The following OPCML variants were observed in gnomAD, a reference collection of about 807,000 sequenced individuals.
OPCML encodes the protein opioid-binding protein/cell adhesion molecule.
A neutral mutation model predicts 37.8 loss-of-function variants in OPCML; 13 were observed. The observed-to-expected ratio is 0.34, with a 90% CI of 0.22 to 0.55. The LOEUF (loss-of-function observed/expected upper bound fraction) is 0.55, where lower values mean the gene tolerates loss of function less well. Among genes scored for constraint, OPCML ranks in the 20% least tolerant of loss-of-function variants. OPCML has a pLI of 0.91. For missense variants in OPCML, 341 were observed against 435.6 expected (o/e 0.78, Z 1.93); for synonymous variants, 176 against 168.8 (o/e 1.04, Z -0.33).
At chr11:132,670,156 G>A (rs1045695201) in intron 2 of OPCML, among the ~76,000 whole-genome samples, 2 of 152,052 alleles carry the variant, frequency 1.3e-5, no homozygotes, top group Non-Finnish European at 2.9e-5. Flanking sequence ...ATTTACTCAC[G>A]ACCATGTCTG....
intron 2 of OPCML, among the ~76,000 whole-genome samples, chr11:132,820,641 G>A (rs1024911797): frequency 6.6e-6 from 1 of 152,118 alleles, no homozygotes; most frequent in Non-Finnish European, 1.5e-5. Context: ...GTGCTGGTGG[G>A]AAGAAAGGTA....
intron 1 of OPCML, chr11:133,439,395 G>T (rs555986931): frequency 1.0e-6 from 1 of 984,546 alleles, no homozygotes; most frequent in Non-Finnish European, 1.2e-6. Flanking sequence ...GAAAAATTCC[G>T]TCTGTTTCAG....
chr11:133,258,055 G>A (rs1310530969), intron 1 of OPCML, among the ~76,000 whole-genome samples: 1 of 152,084 alleles, frequency 6.6e-6, no homozygotes, highest in African/African-American at 2.4e-5. Flanking sequence ...GCTCAGCATG[G>A]GCCCATAGCC....
chr11:132,830,247 G>A (rs1374691604), intron 2 of OPCML, among the ~76,000 whole-genome samples: 3 of 152,064 alleles, frequency 2.0e-5, no homozygotes, highest in Admixed American at 6.5e-5. Flanking sequence ...AATTACTATA[G>A]AGATCAAAGT....
chr11:132,827,784 C>T (rs908146045), intron 2 of OPCML, among the ~76,000 whole-genome samples: 14 of 151,830 alleles, frequency 9.2e-5, no homozygotes, highest in South Asian at 6.2e-4. Context: ...GGACTACAGG[C>T]GCATGCCACC....
chr11:133,048,583 G>A (rs954363463), intron 1 of OPCML, among the ~76,000 whole-genome samples: 8 of 152,140 alleles, frequency 5.3e-5, no homozygotes, highest in African/African-American at 1.2e-4. Flanking sequence ...AGAGATGAAA[G>A]TCTCTCTTTG....
At chr11:133,132,144 A>G (rs1949614662) in intron 1 of OPCML, among the ~76,000 whole-genome samples, 1 of 152,192 alleles carries the variant, frequency 6.6e-6, no homozygotes, top group African/African-American at 2.4e-5. Flanking sequence ...CTAATAAAGA[A>G]CTTGTAGACA....
At chr11:133,081,491 G>T (rs766777600) in intron 1 of OPCML, among the ~76,000 whole-genome samples, 31 of 152,212 alleles carry the variant, frequency 2.0e-4, no homozygotes, top group Non-Finnish European at 3.7e-4. Context: ...GCGAATGAAT[G>T]AAGCGCTCTT....
At chr11:132,472,912 G>A (rs2096142547) in intron 4 of OPCML, among the ~76,000 whole-genome samples, 1 of 152,236 alleles carries the variant, frequency 6.6e-6, no homozygotes, top group Non-Finnish European at 1.5e-5. Context: ...TGCTCTGAAT[G>A]TTAACCCAAG....
chr11:133,443,929 ACT>A (rs1946417360), intron 1 of OPCML, among the ~76,000 whole-genome samples: 1 of 151,846 alleles, frequency 6.6e-6, no homozygotes. Flanking sequence ...GGCAACATAG[ACT>A]CTCTGTCTCC....
intron 1 of OPCML, among the ~76,000 whole-genome samples, chr11:133,252,475 C>T (rs1015482777): frequency 1.3e-5 from 2 of 152,150 alleles, no homozygotes; most frequent in East Asian, 1.9e-4. Flanking sequence ...CCATCAGCAA[C>T]CAAAGTCACC....
intron 1 of OPCML, among the ~76,000 whole-genome samples, chr11:133,016,951 T>C (rs1663726776): frequency 6.6e-6 from 1 of 152,158 alleles, no homozygotes; most frequent in South Asian, 2.1e-4. Context: ...TCTTTGAGGG[T>C]AATGCTCTGA....
intron 2 of OPCML, among the ~76,000 whole-genome samples, chr11:132,711,933 A>G (rs1171448204): frequency 6.6e-6 from 1 of 152,206 alleles, no homozygotes; most frequent in Non-Finnish European, 1.5e-5. Flanking sequence ...CAAATATTCA[A>G]CTAAATAGAA....
intron 1 of OPCML, among the ~76,000 whole-genome samples, chr11:133,412,939 A>C (rs1036049923): frequency 1.3e-5 from 2 of 152,122 alleles, no homozygotes; most frequent in African/African-American, 4.8e-5. Context: ...ATCTTCCTTC[A>C]CCCTGAAGAA....
intron 2 of OPCML, among the ~76,000 whole-genome samples, chr11:132,888,516 T>C (rs908805430): frequency 1.3e-5 from 2 of 152,182 alleles, no homozygotes; most frequent in Non-Finnish European, 2.9e-5. Flanking sequence ...GCATCTGCTG[T>C]CCTTGCAAAG....
At position 132,676,750 on chromosome 11, in the gene OPCML, A is replaced by G. The variant is rs1942721491; in HGVS notation, c.147-19431T>C. Among the ~76,000 whole-genome samples, 2 of 150,680 alleles carry G rather than the reference A, an allele frequency of 1.3e-5. 1 individual carries two copies. The highest frequency in any genetic ancestry group is 4.2e-4 in the South Asian group (2 of 4,794). On this transcript the variant is annotated intron_variant, in intron 2 of 7. Transcript: ENST00000524381. ...AATACCATTTTAGGCCCACTAGAGC[A>G]GCTATAATAAGAAAAAAAGAAAGAA...
At chr11:133,390,276 G>A (rs940584457) in intron 1 of OPCML, among the ~76,000 whole-genome samples, 6 of 151,950 alleles carry the variant, frequency 3.9e-5, no homozygotes, top group African/African-American at 1.2e-4. Context: ...TGGCTAATAC[G>A]CTGAAACCCC....
At chr11:133,056,866 G>A (rs767245077) in intron 1 of OPCML, among the ~76,000 whole-genome samples, 5 of 152,120 alleles carry the variant, frequency 3.3e-5, no homozygotes, top group Admixed American at 6.5e-5. Context: ...ATTTTGAGAC[G>A]GAATTTTGCT....
intron 1 of OPCML, among the ~76,000 whole-genome samples, chr11:133,157,241 C>T (rs1761246566): frequency 6.6e-6 from 1 of 152,132 alleles, no homozygotes; most frequent in African/African-American, 2.4e-5. Context: ...TTATGAAAAA[C>T]CATCACAAGA....
Sources: gnomAD v4.1 joint callset for allele counts (sites outside exome capture counted in the v4.1 genomes callset) on GRCh38, gnomAD v4.1.1 for gene constraint, MANE v1.5 for transcripts, NCBI Gene and HGNC (gene_info 2026-07-23, HGNC 2026-07-21) for gene names.